VAV3: variants seen among roughly 807,000 people sequenced by gnomAD.
VAV3 encodes the protein guanine nucleotide exchange factor VAV3.
VAV3 carries 94 observed loss-of-function variants against 131.2 expected under a neutral mutation model. The observed-to-expected ratio is 0.72, with a 90% CI of 0.61 to 0.85. The LOEUF (loss-of-function observed/expected upper bound fraction) is 0.85, where lower values mean the gene tolerates loss of function less well. Among genes scored for constraint, VAV3 ranks in the 40% least tolerant of loss-of-function variants. The probability of loss-of-function intolerance (pLI) is 0.00; values close to 1 mark genes in which losing one functional copy is unlikely to be tolerated. For missense variants in VAV3, 939 were observed against 1,002.7 expected (o/e 0.94, Z 0.86); for synonymous variants, 349 against 342.0 (o/e 1.02, Z -0.22).
chr1:107,934,782 T>C (rs1276811744), intron 1 of VAV3, among the ~76,000 whole-genome samples: 2 of 152,246 alleles, frequency 1.3e-5, no homozygotes, highest in African/African-American at 4.8e-5. Flanking sequence ...AATTTCAGAC[T>C]GAACACACAC....
intron 11 of VAV3, 38 bp downstream of exon 11, chr1:107,757,223 T>TA: frequency 6.4e-7 from 1 of 1,560,964 alleles, no homozygotes; most frequent in South Asian, 1.1e-5. Flanking sequence ...TAGGCAAGAA[T>TA]AAAAAATACA....
At chr1:107,664,917 G>T (rs1229722598) in intron 19 of VAV3, among the ~76,000 whole-genome samples, 1 of 152,198 alleles carries the variant, frequency 6.6e-6, no homozygotes, top group African/African-American at 2.4e-5. Context: ...ATGACCCAAG[G>T]TATAGTGGCA....
intron 25 of VAV3, among the ~76,000 whole-genome samples, chr1:107,585,225 T>C (rs1008703833): frequency 1.3e-5 from 2 of 152,210 alleles, no homozygotes; most frequent in Non-Finnish European, 2.9e-5. Context: ...ATAATATCCT[T>C]TTGGATCACC....
intron 1 of VAV3, among the ~76,000 whole-genome samples, chr1:107,879,864 A>G (rs1413147765): frequency 1.3e-5 from 2 of 152,230 alleles, no homozygotes; most frequent in Non-Finnish European, 2.9e-5. Flanking sequence ...GTTGCCAAGT[A>G]AGGATACACA....
chr1:107,687,702 T>C (rs1426713545), intron 18 of VAV3, among the ~76,000 whole-genome samples: 3 of 152,150 alleles, frequency 2.0e-5, no homozygotes, highest in Non-Finnish European at 2.9e-5. Flanking sequence ...AACAACACCA[T>C]TGACAGTATT....
At position 107,964,908 on chromosome 1, in the gene VAV3, G is replaced by C; in HGVS notation, c.-39C>G. On this transcript the variant is annotated 5_prime_UTR_variant, in exon 1 of 27. Coordinates refer to ENST00000370056, the MANE Select transcript of VAV3 (RefSeq NM_006113.5). The stretch of plus-strand genomic sequence containing the variant: ...GGGACGCGGCTGGGCCGGGGCGGGC[G>C]GCAAGGATGCGGCCGCCGCCGCCGC... 1.6e-6 allele frequency: 2 copies of C among 1,288,200 alleles called. No individual in the cohort carries two copies. Among genetic ancestry groups the C allele is most frequent in the Non-Finnish European group, 2.0e-6 (2 of 1,012,452 alleles). The allele number at this position is 1,288,200 out of a possible 1,614,324, so 79.8% of individuals were successfully genotyped here.
chr1:107,900,370 T>C (rs1671795283), intron 1 of VAV3, among the ~76,000 whole-genome samples: 1 of 152,230 alleles, frequency 6.6e-6, no homozygotes, highest in African/African-American at 2.4e-5. Flanking sequence ...TACATGCTTT[T>C]GGAAAATGTG....
chr1:107,580,267 T>C (rs931731279), intron 25 of VAV3, among the ~76,000 whole-genome samples: 1 of 152,184 alleles, frequency 6.6e-6, no homozygotes, highest in Non-Finnish European at 1.5e-5. Context: ...CTTCCATTCC[T>C]TTAGCTCATC....
intron 19 of VAV3, among the ~76,000 whole-genome samples, chr1:107,643,685 A>T (rs771587234): frequency 6.6e-6 from 1 of 152,188 alleles, no homozygotes; most frequent in African/African-American, 2.4e-5. Flanking sequence ...CTAAACATGT[A>T]AAGAAGGATG....
chr1:107,632,075 C>G lies in VAV3; in HGVS notation c.1914+10544G>C, dbSNP rs370060569. The stretch of plus-strand genomic sequence containing the variant: ...CACACTGACTTCCACAATGGTTGAA[C>G]TAGTTTACAGTCCCACCAACAGTGT... On this transcript the variant is annotated intron_variant, in intron 20 of 26. Transcript: ENST00000370056. Among the ~76,000 whole-genome samples, 12 of 152,228 alleles carry G rather than the reference C, an allele frequency of 7.9e-5. 1 individual carries two copies. In the East Asian group the frequency reaches 9.7e-4, roughly 12 times the overall value.
intron 17 of VAV3, among the ~76,000 whole-genome samples, chr1:107,690,443 T>G (rs923126113): frequency 6.6e-6 from 1 of 152,136 alleles, no homozygotes; most frequent in African/African-American, 2.4e-5. Context: ...AGGGTTTGGC[T>G]GCCAGGTGGC....
At chr1:107,838,647 T>C (rs777064660) in intron 2 of VAV3, among the ~76,000 whole-genome samples, 1 of 152,176 alleles carries the variant, frequency 6.6e-6, no homozygotes, top group Non-Finnish European at 1.5e-5. Flanking sequence ...TAGAGACACA[T>C]GCATCCGTAC....
rs576467989 is a variant in VAV3 at position 107,787,525 on chromosome 1, T to A, written c.322-8033A>T. On this transcript the variant is annotated intron_variant, in intron 2 of 26. Coordinates refer to ENST00000370056, the MANE Select transcript of VAV3 (RefSeq NM_006113.5). ...TTAAAAGAGGTGATCCTAGTCTGCA[T>A]CTTGATGGGCACCTGGACATTTGCC... 7.2e-5 allele frequency among the ~76,000 whole-genome samples: 11 copies of A among 152,276 alleles called. No homozygotes were observed. The East Asian group carries it at 2.1e-3, about 29-fold the overall frequency.
intron 15 of VAV3, among the ~76,000 whole-genome samples, chr1:107,711,987 C>T (rs567946689): frequency 6.2e-4 from 95 of 152,154 alleles, no homozygotes; most frequent in African/African-American, 2.0e-3. Context: ...TGCCCGACAA[C>T]GCATTCAATA....
At chr1:107,804,499 A>AC (rs201019196) in intron 2 of VAV3, among the ~76,000 whole-genome samples, 1,698 of 152,272 alleles carry the variant, frequency 0.011, 11 homozygotes, top group South Asian at 0.03. Flanking sequence ...ATCACAGATC[A>AC]CCCCAAAAAA....
intron 25 of VAV3, among the ~76,000 whole-genome samples, chr1:107,575,059 A>G (rs1649547668): frequency 6.7e-6 from 1 of 150,006 alleles, no homozygotes; most frequent in Non-Finnish European, 1.5e-5. Context: ...AGAGGAGCTA[A>G]CTTTCTCCCT....
chr1:107,817,136 G>T (rs1453342237), intron 2 of VAV3, among the ~76,000 whole-genome samples: 1 of 152,250 alleles, frequency 6.6e-6, no homozygotes, highest in African/African-American at 2.4e-5. Context: ...TACTTACTGG[G>T]GAAAGACACA....
chr1:107,692,696 C>G (rs1388378775), intron 17 of VAV3, among the ~76,000 whole-genome samples: 2 of 152,172 alleles, frequency 1.3e-5, no homozygotes, highest in Non-Finnish European at 2.9e-5. Context: ...TAGGATACCA[C>G]AGCAACGTCC....
At chr1:107,954,227 A>G (rs1291886336) in intron 1 of VAV3, among the ~76,000 whole-genome samples, 2 of 152,204 alleles carry the variant, frequency 1.3e-5, no homozygotes, top group Admixed American at 1.3e-4. Context: ...TAGAAAAAAA[A>G]TGCCCTATCA....
Sources: gnomAD v4.1 joint callset for allele counts (sites outside exome capture counted in the v4.1 genomes callset) on GRCh38, gnomAD v4.1.1 for gene constraint, MANE v1.5 for transcripts, NCBI Gene and HGNC (gene_info 2026-07-23, HGNC 2026-07-21) for gene names.